Variants in HIP1 observed in about 807,000 individuals in gnomAD.
HIP1 encodes huntingtin interacting protein 1, also known as huntingtin-interacting protein 1.
Under a neutral mutation model 147.6 loss-of-function variants are expected in HIP1, and 65 were observed. The ratio of observed to expected loss-of-function variants is 0.44; its 90% CI spans 0.36 to 0.54. HIP1 has a LOEUF of 0.54. Ranked by LOEUF, HIP1 falls within the 20% of genes least tolerant of loss-of-function variation. The pLI is 0.00. For missense variants in HIP1, 1,061 were observed against 1,299.6 expected, an observed-to-expected ratio of 0.82 and a Z score of 2.82; for synonymous variants, 479 against 504.0, an observed-to-expected ratio of 0.95 and a Z score of 0.67.
chr7:75,696,176 T>C (rs1800627643), intron 1 of HIP1, among the ~76,000 whole-genome samples: 1 of 147,804 alleles, frequency 6.8e-6, no homozygotes, highest in African/African-American at 2.5e-5. Context: ...TTTGTAGGGA[T>C]GGGTTCTCAC....
chr7:75,583,769 T>TGC (rs1796147881), intron 5 of HIP1, among the ~76,000 whole-genome samples: 1 of 147,244 alleles, frequency 6.8e-6, no homozygotes, highest in Non-Finnish European at 1.5e-5. Context: ...TGTGTGTGTG[T>TGC]GTGTGTGTGT....
chr7:75,643,488 A>AT (rs1182304234), intron 1 of HIP1, among the ~76,000 whole-genome samples: 1 of 152,088 alleles, frequency 6.6e-6, no homozygotes, highest in South Asian at 2.1e-4. Context: ...AATTAAAAGA[A>AT]TTTTTTTAAG....
At chr7:75,712,655 C>T (rs931411271) in intron 1 of HIP1, among the ~76,000 whole-genome samples, 2 of 152,166 alleles carry the variant, frequency 1.3e-5, no homozygotes, top group Non-Finnish European at 2.9e-5. Flanking sequence ...CTCCCTCATA[C>T]ACATACTCCT....
intron 4 of HIP1, among the ~76,000 whole-genome samples, chr7:75,588,245 C>A (rs1165415035): frequency 1.3e-5 from 2 of 152,134 alleles, no homozygotes; most frequent in Non-Finnish European, 1.5e-5. Context: ...TTACAGACTT[C>A]AAAGAATTCT....
rs183075432 is a variant in HIP1, at chr7:75,552,283, T to A, written c.2295+1170A>T. Among the ~76,000 whole-genome samples, 4 of 152,362 alleles carry A rather than the reference T, an allele frequency of 2.6e-5. No individual in the cohort carries two copies. In the East Asian group the frequency reaches 7.7e-4, roughly 29 times the overall value. On this transcript the variant is annotated intron_variant, in intron 22 of 30. Coordinates refer to ENST00000336926, the MANE Select transcript of HIP1 (RefSeq NM_005338.7). ...CTGCATAGAAATGGTTTTCTTATTT[T>A]TCTTTTCCATAGAGTCCATGTCTTC...
chr7:75,719,615 G>A (rs2117375160), intron 1 of HIP1, among the ~76,000 whole-genome samples: 1 of 152,112 alleles, frequency 6.6e-6, no homozygotes, highest in South Asian at 2.1e-4. Flanking sequence ...TCCTTTCCAT[G>A]ACCCTATACT....
At chr7:75,549,440 G>A (rs587746316) in intron 22 of HIP1, among the ~76,000 whole-genome samples, 6 of 147,460 alleles carry the variant, frequency 4.1e-5, no homozygotes, top group Non-Finnish European at 8.9e-5. Context: ...GCACAATCTC[G>A]GCTCACTGCA....
In HIP1 at chr7:75,598,812, T is replaced by C. The variant is rs782491556; in HGVS notation, c.184+372A>G. 2.0e-4 allele frequency among the ~76,000 whole-genome samples: 30 copies of C among 152,036 alleles called. 2 individuals are homozygous for C. Among genetic ancestry groups the C allele is most frequent in the African/African-American group, 2.4e-5 (1 of 41,376 alleles). On this transcript the variant is annotated intron_variant, in intron 2 of 30. Coordinates refer to ENST00000336926, the MANE Select transcript of HIP1 (RefSeq NM_005338.7). Reference sequence around the variant, plus strand: ...TACTCGGGAGGCTGAGACGAGAGGATTGCGTGAACCCAGGAGTTTGAGGCT... The same window carrying C: ...TACTCGGGAGGCTGAGACGAGAGGACTGCGTGAACCCAGGAGTTTGAGGCT...
chr7:75,547,646 G>A (rs587658062), intron 24 of HIP1, 109 bp downstream of exon 24: 4 of 851,618 alleles, frequency 4.7e-6, no homozygotes, highest in Admixed American at 1.7e-5. Flanking sequence ...GCCCTTCCCC[G>A]TGGCTGCTAC....
intron 1 of HIP1, among the ~76,000 whole-genome samples, chr7:75,617,041 G>A (rs1196221325): frequency 1.3e-5 from 2 of 151,790 alleles, no homozygotes; most frequent in African/African-American, 4.8e-5. Flanking sequence ...AAAATAGTTG[G>A]GAGCACAGGT....
At chr7:75,715,852 C>T (rs1554520519) in intron 1 of HIP1, among the ~76,000 whole-genome samples, 1 of 146,982 alleles carries the variant, frequency 6.8e-6, no homozygotes. Flanking sequence ...ACACTCACAT[C>T]TGCTTAGCTT....
At chr7:75,556,313 C>T (rs1000755942) in intron 17 of HIP1, 144 bp from the exon 18 acceptor site, 1 of 1,048,346 alleles carries the variant, frequency 9.5e-7, no homozygotes, top group African/African-American at 1.6e-5. Context: ...CTCCCGGGGA[C>T]ACACTGATTG....
chr7:75,636,024 C>CAAAAAAAAAAAAAAAAACAAAAA, intron 1 of HIP1, among the ~76,000 whole-genome samples: 1 of 53,708 alleles, frequency 1.9e-5, no homozygotes, highest in Non-Finnish European at 3.2e-5. Flanking sequence ...GACCCTGTCT[C>CAAAAAAAAAAAAAAAAACAAAAA]AAAAAAAAAA....
chr7:75,682,841 C>T (rs1027186348), intron 1 of HIP1, among the ~76,000 whole-genome samples: 17 of 152,124 alleles, frequency 1.1e-4, no homozygotes, highest in African/African-American at 3.1e-4. Context: ...CACATTGCTG[C>T]GCTGGAGGGA....
At chr7:75,700,438 C>T (rs535725103) in intron 1 of HIP1, among the ~76,000 whole-genome samples, 1 of 152,268 alleles carries the variant, frequency 6.6e-6, no homozygotes, top group South Asian at 2.1e-4. Flanking sequence ...ACCCAGAACC[C>T]TGATGGGCCT....
chr7:75,541,480 G>A (rs587757630), intron 29 of HIP1, among the ~76,000 whole-genome samples: 17 of 149,758 alleles, frequency 1.1e-4, no homozygotes, highest in East Asian at 2.0e-4. Context: ...GCAGTGAGCC[G>A]AGATCACACC....
intron 1 of HIP1, among the ~76,000 whole-genome samples, chr7:75,730,587 C>T (rs1272826868): frequency 1.3e-5 from 2 of 152,146 alleles, no homozygotes; most frequent in East Asian, 3.9e-4. Context: ...GATCCACCCG[C>T]CTCGGCCTCC....
Position 75,581,308 on chromosome 7 carries a change from A to C in HIP1, c.543-10T>G. On this transcript the variant is annotated splice_polypyrimidine_tract_variant and intron_variant, in intron 6 of 30. Coordinates refer to ENST00000336926, the MANE Select transcript of HIP1 (RefSeq NM_005338.7). The stretch of plus-strand genomic sequence containing the variant: ...CACTGTTAACTGGAAACTGGACCCA[A>C]GAGGAAAGAGAGCTTACACTCCACA... The C allele has an allele frequency of 6.2e-7, 1 of 1,608,286 alleles. No homozygotes were observed. The highest frequency in any genetic ancestry group is 2.2e-5 in the East Asian group (1 of 44,820).
intron 1 of HIP1, chr7:75,625,055 C>T (rs587688237): frequency 1.3e-5 from 2 of 151,822 alleles, no homozygotes; most frequent in Admixed American, 1.3e-4. Context: ...ATTACTGGCA[C>T]CTGCCACCAC....
Sources: gnomAD v4.1 joint callset for allele counts (sites outside exome capture counted in the v4.1 genomes callset) on GRCh38, gnomAD v4.1.1 for gene constraint, MANE v1.5 for transcripts, NCBI Gene and HGNC (gene_info 2026-07-23, HGNC 2026-07-21) for gene names.